Variants in SLCO6A1 observed in about 807,000 individuals in gnomAD.
SLCO6A1 encodes solute carrier organic anion transporter family member 6A1.
SLCO6A1 carries 65 observed loss-of-function variants against 72.7 expected under a neutral mutation model. That is an observed-to-expected ratio of 0.89 (90% CI 0.73 to 1.10). The LOEUF is 1.10. Ranked by LOEUF, SLCO6A1 falls within the 50% of genes least tolerant of loss-of-function variation. The pLI is 0.00. For missense variants in SLCO6A1, 874 were observed against 872.6 expected, an observed-to-expected ratio of 1.00 and a Z score of -0.02; for synonymous variants, 314 against 298.2, an observed-to-expected ratio of 1.05 and a Z score of -0.55.
chr5:102,416,629 A>G (rs996101095), intron 8 of SLCO6A1, among the ~76,000 whole-genome samples: 1 of 152,114 alleles, frequency 6.6e-6, no homozygotes, highest in East Asian at 1.9e-4. Context: ...AATGGGTATA[A>G]TGTATATTAT....
At chr5:102,442,852 A>C (rs1749914800) in intron 6 of SLCO6A1, among the ~76,000 whole-genome samples, 1 of 152,048 alleles carries the variant, frequency 6.6e-6, no homozygotes, top group Admixed American at 6.6e-5. Flanking sequence ...TCATGAGGTC[A>C]GGAGTTCGAG....
intron 9 of SLCO6A1, among the ~76,000 whole-genome samples, chr5:102,400,862 A>ATATTTTTT (rs1453086783): frequency 5.9e-5 from 9 of 152,044 alleles, no homozygotes; most frequent in Non-Finnish European, 1.3e-4. Flanking sequence ...ATTCCACCAA[A>ATATTTTTT]TATTTTTTTG....
chr5:102,437,614 T>C (rs1319767732), intron 7 of SLCO6A1, among the ~76,000 whole-genome samples: 2 of 152,166 alleles, frequency 1.3e-5, no homozygotes, highest in Admixed American at 6.5e-5. Context: ...CATTGAAAGC[T>C]GATCTATTTT....
intron 1 of SLCO6A1, among the ~76,000 whole-genome samples, chr5:102,493,504 A>C (rs977997753): frequency 4.6e-5 from 7 of 152,208 alleles, no homozygotes; most frequent in Non-Finnish European, 7.4e-5. Flanking sequence ...AACTGATAAA[A>C]GGCATCTTAA....
At chr5:102,482,485 C>G (rs142147652) in intron 1 of SLCO6A1, among the ~76,000 whole-genome samples, 17 of 152,236 alleles carry the variant, frequency 1.1e-4, no homozygotes, top group African/African-American at 1.7e-4. Flanking sequence ...ATTGTTCTCT[C>G]AAAGCACATA....
intron 7 of SLCO6A1, among the ~76,000 whole-genome samples, chr5:102,421,326 C>T (rs1045803318): frequency 6.6e-6 from 1 of 152,054 alleles, no homozygotes; most frequent in East Asian, 1.9e-4. Flanking sequence ...TGGTCTTGCT[C>T]AGCAGGTTCC....
chr5:102,409,778 A>G (rs762188962), intron 9 of SLCO6A1, among the ~76,000 whole-genome samples: 1 of 152,218 alleles, frequency 6.6e-6, no homozygotes, highest in Non-Finnish European at 1.5e-5. Flanking sequence ...AGAAATATAA[A>G]GAAAACTATG....
intron 4 of SLCO6A1, among the ~76,000 whole-genome samples, chr5:102,468,356 A>G (rs974160561): frequency 2.6e-5 from 4 of 152,004 alleles, no homozygotes; most frequent in African/African-American, 9.7e-5. Context: ...CATTTGTTCT[A>G]GGGTATATTT....
chr5:102,395,268 C>T (rs1280356703), intron 10 of SLCO6A1, among the ~76,000 whole-genome samples: 6 of 151,910 alleles, frequency 3.9e-5, no homozygotes, highest in Admixed American at 3.9e-4. Flanking sequence ...TCAATTCCCA[C>T]CTATGAGTGA....
At chr5:102,440,594 T>A (rs6871966) in intron 6 of SLCO6A1, among the ~76,000 whole-genome samples, 19 of 151,900 alleles carry the variant, frequency 1.3e-4, no homozygotes, top group African/African-American at 4.4e-4. Flanking sequence ...AGCGCCTCCA[T>A]CCCAGAAAAA....
At chr5:102,496,348 T>A (rs1415155562) in intron 1 of SLCO6A1, among the ~76,000 whole-genome samples, 1 of 152,210 alleles carries the variant, frequency 6.6e-6, no homozygotes, top group African/African-American at 2.4e-5. Context: ...AATGTAAAAA[T>A]AATAAATAGA....
At chr5:102,392,362 A>T (rs1391897590) in intron 10 of SLCO6A1, among the ~76,000 whole-genome samples, 1 of 152,018 alleles carries the variant, frequency 6.6e-6, no homozygotes, top group Non-Finnish European at 1.5e-5. Context: ...TTAGAATCAC[A>T]CTTTAGTGTA....
chr5:102,407,881 G>A lies in SLCO6A1; in HGVS notation c.1626+5109C>T, dbSNP rs1050468897. On this transcript the variant is annotated intron_variant, in intron 9 of 13. Transcript: ENST00000506729. ...ACTCTTTCCAAGGCCCTCCAGAAAG[G>A]AGCACAACTCAGCTATTACCCTGAT... 4.6e-5 allele frequency among the ~76,000 whole-genome samples: 7 copies of A among 152,200 alleles called. 1 individual carries two copies. The highest frequency in any genetic ancestry group is 4.6e-4 in the Admixed American group (7 of 15,290).
intron 8 of SLCO6A1, 131 bp from the exon 9 acceptor site, chr5:102,413,274 G>A (rs1370167780): frequency 3.6e-6 from 3 of 840,402 alleles, no homozygotes; most frequent in African/African-American, 1.8e-5. Context: ...CTTTACTGAG[G>A]TCTGAGGTAC....
At chr5:102,387,931 T>G (rs1405266236) in intron 12 of SLCO6A1, among the ~76,000 whole-genome samples, 1 of 152,194 alleles carries the variant, frequency 6.6e-6, no homozygotes, top group Non-Finnish European at 1.5e-5. Flanking sequence ...CCCAACACTT[T>G]GACCACATCT....
chr5:102,429,057 G>GT (rs909647691), intron 7 of SLCO6A1, among the ~76,000 whole-genome samples: 7 of 152,094 alleles, frequency 4.6e-5, no homozygotes, highest in Non-Finnish European at 1.0e-4. Context: ...TGATACTGAG[G>GT]TTTTTTCATA....
At chr5:102,474,978 A>C (rs1751820461) in intron 4 of SLCO6A1, among the ~76,000 whole-genome samples, 1 of 152,028 alleles carries the variant, frequency 6.6e-6, no homozygotes, top group Non-Finnish European at 1.5e-5. Context: ...TGTGCACTGC[A>C]GGAATGTAAA....
chr5:102,378,348 G>T (rs1405615711), intron 12 of SLCO6A1, among the ~76,000 whole-genome samples: 1 of 152,048 alleles, frequency 6.6e-6, no homozygotes, highest in East Asian at 1.9e-4. Context: ...TCACTCATAG[G>T]TCTTAAACTC....
chr5:102,496,003 A>T (rs761817142), intron 1 of SLCO6A1, among the ~76,000 whole-genome samples: 27 of 152,362 alleles, frequency 1.8e-4, no homozygotes, highest in Non-Finnish European at 2.6e-4. Context: ...TTGGCCCCAA[A>T]ATGAAAAGGA....
Sources: allele counts gnomAD v4.1 joint callset (sites outside exome capture counted in the v4.1 genomes callset), GRCh38; gene constraint gnomAD v4.1.1; transcripts MANE v1.5; gene names NCBI Gene and HGNC (gene_info 2026-07-23, HGNC 2026-07-21).